IRAG2: variants seen among roughly 807,000 people sequenced by gnomAD.
IRAG2 encodes the protein lymphoid restricted membrane protein.
IRAG2 carries 45 observed loss-of-function variants against 69.9 expected under a neutral mutation model. The observed-to-expected ratio is 0.64, with a 90% CI of 0.51 to 0.83. The LOEUF (loss-of-function observed/expected upper bound fraction) is 0.83. Among genes scored for constraint, IRAG2 ranks in the 40% least tolerant of loss-of-function variants. IRAG2 has a pLI of 0.00. For missense variants in IRAG2, 520 were observed against 587.0 expected (o/e 0.89, Z 1.18); for synonymous variants, 193 against 202.4 (o/e 0.95, Z 0.40).
intron 9 of IRAG2, among the ~76,000 whole-genome samples, chr12:25,081,289 C>T (rs1304710079): frequency 6.6e-6 from 1 of 152,232 alleles, no homozygotes; most frequent in East Asian, 1.9e-4. Context: ...ACGGTGGAAC[C>T]CCGTCTCTAC....
At chr12:25,030,161 G>A (rs1241076582) in intron 9 of IRAG2, 5 of 578,336 alleles carry the variant, frequency 8.6e-6, no homozygotes, top group Non-Finnish European at 1.3e-5. Flanking sequence ...TTTGTAAAGT[G>A]AAAAGTACAT....
chr12:25,009,519 C>T (rs893788551), intron 2 of IRAG2, among the ~76,000 whole-genome samples: 1 of 152,116 alleles, frequency 6.6e-6, no homozygotes, highest in African/African-American at 2.4e-5. Context: ...TGTGTATTAG[C>T]CAGGGCTCTC....
At chr12:25,098,013 C>T (rs759442316) in intron 15 of IRAG2, among the ~76,000 whole-genome samples, 1 of 152,198 alleles carries the variant, frequency 6.6e-6, no homozygotes. Context: ...CCCATCACAC[C>T]TTTTCACTGT....
intron 17 of IRAG2, chr12:25,103,286 G>GA (rs1388137264): frequency 6.6e-6 from 1 of 152,650 alleles, no homozygotes; most frequent in Non-Finnish European, 1.5e-5. Flanking sequence ...GTGTTAAATG[G>GA]AAAAAAATGA....
chr12:25,072,430 C>T (rs1351996358), intron 6 of IRAG2, among the ~76,000 whole-genome samples: 1 of 152,074 alleles, frequency 6.6e-6, no homozygotes, highest in African/African-American at 2.4e-5. Context: ...ATCTCAACAG[C>T]CTGGTAACTG....
upstream of IRAG2, among the ~76,000 whole-genome samples, chr12:25,002,112 G>T (rs1013397348): frequency 6.6e-6 from 1 of 152,122 alleles, no homozygotes; most frequent in Non-Finnish European, 1.5e-5. Flanking sequence ...AGTCAGATGT[G>T]TTCCTGCCAA....
Position 25,062,648 on chromosome 12 carries a change from A to G in IRAG2, c.-384-172A>G, listed in dbSNP as rs1363773751. On this transcript the variant is annotated intron_variant, in intron 2 of 21. Transcript: ENST00000556887. Reference sequence around the variant, plus strand: ...TAGATCAAGTAATGGGGCAAATACAATGGGAGGTTTAAAATTACAAATGTG... The same window carrying G: ...TAGATCAAGTAATGGGGCAAATACAGTGGGAGGTTTAAAATTACAAATGTG... 2.6e-5 allele frequency among the ~76,000 whole-genome samples: 4 copies of G among 152,362 alleles called. No individual in the cohort carries two copies. In the East Asian group the frequency reaches 7.7e-4, roughly 29 times the overall value.
intron 5 of IRAG2, among the ~76,000 whole-genome samples, chr12:25,015,823 G>A (rs1324890117): frequency 1.3e-5 from 2 of 152,218 alleles, no homozygotes; most frequent in Non-Finnish European, 2.9e-5. Context: ...TCCACGACAT[G>A]TGTAAGTTTT....
At chr12:25,004,556 C>T (rs1944416534) in exon 1 of IRAG2, 1 of 1,232,030 alleles carries the variant, frequency 8.1e-7, no homozygotes, top group Non-Finnish European at 1.0e-6. Context: ...GTTCCTACGC[C>T]CGGCTCTCAT....
intron 3 of IRAG2, among the ~76,000 whole-genome samples, chr12:25,013,691 T>C (rs1717076344): frequency 6.6e-6 from 1 of 152,096 alleles, no homozygotes; most frequent in African/African-American, 2.4e-5. Context: ...AAAGTAATAA[T>C]ATTTGATAAG....
chr12:25,059,284 C>T (rs1945455072), intron 1 of IRAG2, among the ~76,000 whole-genome samples: 1 of 152,070 alleles, frequency 6.6e-6, no homozygotes, highest in South Asian at 2.1e-4. Flanking sequence ...TTAAAAATTT[C>T]ATCTTTACCA....
chr12:25,080,444 C>T (rs895337553), intron 9 of IRAG2, among the ~76,000 whole-genome samples: 50 of 151,698 alleles, frequency 3.3e-4, no homozygotes, highest in African/African-American at 1.0e-3. Context: ...CTCCGCCTCC[C>T]GGGTTCACAC....
At chr12:25,032,878 G>A (rs753038264) in intron 12 of IRAG2, among the ~76,000 whole-genome samples, 1 of 152,046 alleles carries the variant, frequency 6.6e-6, no homozygotes, top group Non-Finnish European at 1.5e-5. Context: ...ATAATGGGGG[G>A]CAAACAAACA....
At chr12:25,026,998 T>C (rs984825083) in intron 9 of IRAG2, 5 of 435,714 alleles carry the variant, frequency 1.1e-5, no homozygotes, top group Non-Finnish European at 1.5e-5. Flanking sequence ...TACAAAATAT[T>C]TGAGTTATAT....
chr12:25,044,456 C>G (rs780121828), intron 16 of IRAG2, among the ~76,000 whole-genome samples: 1 of 150,844 alleles, frequency 6.6e-6, no homozygotes, highest in Non-Finnish European at 1.5e-5. Context: ...ATTAAACTTA[C>G]CAATCAAAAG....
intron 6 of IRAG2, among the ~76,000 whole-genome samples, chr12:25,020,252 A>G (rs1455245736): frequency 6.6e-6 from 1 of 152,134 alleles, no homozygotes; most frequent in Non-Finnish European, 1.5e-5. Flanking sequence ...TTTTTTTTCC[A>G]ATGCTTTGTT....
At chr12:25,037,560 A>G (rs1056376841) in intron 15 of IRAG2, among the ~76,000 whole-genome samples, 4 of 152,292 alleles carry the variant, frequency 2.6e-5, no homozygotes, top group African/African-American at 7.2e-5. Flanking sequence ...CAGCCCCCCA[A>G]AGTGCTGGGA....
intron 3 of IRAG2, chr12:25,015,112 A>AAAAAAAAAAAAT: frequency 2.8e-6 from 1 of 359,394 alleles, no homozygotes; most frequent in Admixed American, 6.8e-5. Flanking sequence ...AAAAAAAAAA[A>AAAAAAAAAAAAT]GACAAAACTT....
At position 25,020,688 on chromosome 12, in the gene IRAG2, G is replaced by A. The variant is rs1274437496; in HGVS notation, c.1215-102G>A. 3 of 435,126 alleles carry A rather than the reference G, an allele frequency of 6.9e-6. No homozygotes were observed. In the East Asian group the frequency reaches 1.1e-4, roughly 15 times the overall value. 27.0% of individuals were successfully genotyped at this position (435,126 alleles called of 1,614,324 possible). ...TGCGGGCATCTGGTTTAAGCCTTTA[G>A]TGGTTTTCAACTTGGGTCCAAAATA... On this transcript the variant is annotated intron_variant, in intron 6 of 38. Coordinates refer to the IRAG2 transcript ENST00000636465.
Sources: gnomAD v4.1 joint callset for allele counts (sites outside exome capture counted in the v4.1 genomes callset) on GRCh38, gnomAD v4.1.1 for gene constraint, MANE v1.5 for transcripts, NCBI Gene and HGNC (gene_info 2026-07-23, HGNC 2026-07-21) for gene names.